Variants in FKBP1A observed in about 807,000 individuals in gnomAD.
FKBP1A encodes FKBP prolyl isomerase 1A.
A neutral mutation model predicts 14.2 loss-of-function variants in FKBP1A; 5 were observed. The ratio of observed to expected loss-of-function variants is 0.35; its 90% confidence interval spans 0.18 to 0.74. FKBP1A has a LOEUF of 0.74. FKBP1A is among the 30% of genes least tolerant of loss of function. The pLI is 0.56. For missense variants in FKBP1A, 53 were observed against 138.8 expected (o/e 0.38, Z 3.10); for synonymous variants, 42 against 49.1 (o/e 0.86, Z 0.60).
In FKBP1A at chr20:1,372,056, T is replaced by C; in HGVS notation, c.*36+20A>G. ...AGGAGCAAAGGCAGTGAAGGGCCCT[T>C]CAGTATTCCATTTCCTTACCCAAGA... On this transcript the variant is annotated intron_variant, in intron 4 of 4. Transcript: ENST00000400137. 6.2e-7 allele frequency: 1 copy of C among 1,608,766 alleles called. No individual in the cohort carries two copies. The highest frequency in any genetic ancestry group is 8.5e-7 in the Non-Finnish European group (1 of 1,177,286).
intron 4 of FKBP1A, chr20:1,370,449 C>T (rs536248586): frequency 4.1e-6 from 4 of 972,576 alleles, no homozygotes; most frequent in East Asian, 1.1e-4. Context: ...GTTCCACTCC[C>T]ATGATTATGA....
intron 2 of FKBP1A, chr20:1,378,518 G>A (rs1418021663): frequency 6.6e-6 from 1 of 152,130 alleles, no homozygotes; most frequent in Non-Finnish European, 1.5e-5. Flanking sequence ...GAACCCTAAT[G>A]TAAACTATGG....
At chr20:1,391,392 A>C (rs2089734441) in intron 2 of FKBP1A, among the ~76,000 whole-genome samples, 2 of 152,216 alleles carry the variant, frequency 1.3e-5, no homozygotes, top group African/African-American at 4.8e-5. Context: ...ACTGTGGCCT[A>C]CAAGGACAGC....
Position 1,379,448 on chromosome 20 carries a change from T to C in FKBP1A, c.86-3845A>G, listed in dbSNP as rs1304972722. ...TGTCTAACCCCAGCTCTCCTGAGCCTATCTTGGACACTGAGGGGCAAACCT... is the reference window on the plus strand; with the variant it reads ...TGTCTAACCCCAGCTCTCCTGAGCCCATCTTGGACACTGAGGGGCAAACCT... On this transcript the variant is annotated intron_variant, in intron 2 of 4. Transcript: ENST00000400137. This position sits in a 1 kb window ranked among gnomAD's most constrained non-coding sequence, Gnocchi z 4.3. Among the ~76,000 whole-genome samples, 2 of 152,192 alleles carry C rather than the reference T, an allele frequency of 1.3e-5. No individual in the cohort carries two copies. Among genetic ancestry groups the C allele is most frequent in the Non-Finnish European group, 2.9e-5 (2 of 68,034 alleles).
At chr20:1,376,416 C>T (rs1290305234) in intron 2 of FKBP1A, among the ~76,000 whole-genome samples, 1 of 152,224 alleles carries the variant, frequency 6.6e-6, no homozygotes, top group Non-Finnish European at 1.5e-5. Flanking sequence ...CCCCACAAAA[C>T]AACCCATGCT....
chr20:1,371,426 ATCCCT>A (rs2089462860), intron 4 of FKBP1A, among the ~76,000 whole-genome samples: 1 of 152,086 alleles, frequency 6.6e-6, no homozygotes, highest in Non-Finnish European at 1.5e-5. Flanking sequence ...GGCCCCTAAG[ATCCCT>A]TCCTAGAACT....
rs187320663 is a variant in FKBP1A at position 1,386,716 on chromosome 20, C to T, written c.85+6118G>A. ...CATGTGGGAAAAGGCTTGGAGCATTCGAGGAATGAATGCAGGCCAAGGTGG... is the reference window on the plus strand; with the variant it reads ...CATGTGGGAAAAGGCTTGGAGCATTTGAGGAATGAATGCAGGCCAAGGTGG... On this transcript the variant is annotated intron_variant, in intron 2 of 4. Coordinates refer to ENST00000400137, the MANE Select transcript of FKBP1A (RefSeq NM_000801.5). This position sits in a 1 kb window ranked among gnomAD's most constrained non-coding sequence, Gnocchi z 4.7. Among the ~76,000 whole-genome samples, 284 of 152,222 alleles carry T rather than the reference C, an allele frequency of 1.9e-3. 2 individuals are homozygous for T. The highest frequency in any genetic ancestry group is 6.7e-3 in the African/African-American group (279 of 41,512).
chr20:1,373,653 C>T (rs1411814055), intron 3 of FKBP1A, among the ~76,000 whole-genome samples: 2 of 152,198 alleles, frequency 1.3e-5, no homozygotes, highest in Non-Finnish European at 2.9e-5. Flanking sequence ...GTCCAATACT[C>T]GACCATGCCT....
chr20:1,376,924 G>A (rs2089552858), intron 2 of FKBP1A: 4 of 152,100 alleles, frequency 2.6e-5, no homozygotes. Flanking sequence ...AAACACCATC[G>A]GCATTGCTTT....
At chr20:1,378,721 G>T (rs941920759) in intron 2 of FKBP1A, 1 of 152,172 alleles carries the variant, frequency 6.6e-6, no homozygotes, top group African/African-American at 2.4e-5. Context: ...AAATAAAGAA[G>T]TCTGCTTTGC....
chr20:1,392,689 G>T, intron 2 of FKBP1A, 145 bp downstream of exon 2: 1 of 487,280 alleles, frequency 2.1e-6, no homozygotes, highest in Non-Finnish European at 3.2e-6. Context: ...CTGAGCCACC[G>T]CCCAGGCCTC....
Position 1,379,793 on chromosome 20 carries a change from G to A in FKBP1A, c.86-4190C>T, listed in dbSNP as rs1217481880. ...AATAATCCCCCGAAATGGGTGGGGT[G>A]GTATGTGATTAAGTGGGTGTCACAC... On this transcript the variant is annotated intron_variant, in intron 2 of 4. Coordinates refer to ENST00000400137, the MANE Select transcript of FKBP1A (RefSeq NM_000801.5). This position sits in a 1 kb window ranked among gnomAD's most constrained non-coding sequence, Gnocchi z 4.3. Among the ~76,000 whole-genome samples, 2 of 152,118 alleles carry A rather than the reference G, an allele frequency of 1.3e-5. No homozygotes were observed. The highest frequency in any genetic ancestry group is 2.9e-5 in the Non-Finnish European group (2 of 68,044).
intron 3 of FKBP1A, among the ~76,000 whole-genome samples, chr20:1,375,087 T>G (rs1323454802): frequency 1.3e-5 from 2 of 152,164 alleles, no homozygotes; most frequent in Non-Finnish European, 2.9e-5. Flanking sequence ...TCCATCCATC[T>G]TGGCCTCCCA....
intron 4 of FKBP1A, chr20:1,371,608 C>T: frequency 1.5e-6 from 1 of 658,730 alleles, no homozygotes; most frequent in African/African-American, 2.0e-5. Context: ...TAGGCAGTAA[C>T]CACAAACCAC....
At chr20:1,376,792 T>C (rs1048917106) in intron 2 of FKBP1A, 2 of 152,244 alleles carry the variant, frequency 1.3e-5, no homozygotes, top group African/African-American at 4.8e-5. Context: ...CTTTCTATTA[T>C]TCCAGTTTCC....
rs1167406932 is a variant in FKBP1A, at chr20:1,393,025, G to C, written c.-27C>G. 3.0e-5 allele frequency: 43 copies of C among 1,431,140 alleles called. No individual in the cohort carries two copies. Among genetic ancestry groups the C allele is most frequent in the Non-Finnish European group, 3.8e-5 (41 of 1,086,262 alleles). The allele number at this position is 1,431,140 out of a possible 1,614,324, so 88.7% of individuals were successfully genotyped here. A position where few individuals can be genotyped will look rare whatever the true frequency, so the allele number is the denominator to read the frequency against. On this transcript the variant is annotated 5_prime_UTR_variant, in exon 1 of 5. Coordinates refer to ENST00000400137, the MANE Select transcript of FKBP1A (RefSeq NM_000801.5). ...GCGGCGGCGGACGCTGAGCGGGCGG[G>C]CGGCGCGACGGGCGGCGTGGACCAA...
At chr20:1,372,331 G>A (rs1197308976) in intron 3 of FKBP1A, 91 bp from the exon 4 acceptor site, 22 of 1,404,988 alleles carry the variant, frequency 1.6e-5, no homozygotes, top group Non-Finnish European at 2.0e-5. Flanking sequence ...GTGTTCCTTG[G>A]CCAGGATGGT....
chr20:1,371,460 C>G (rs2089463390), intron 4 of FKBP1A, among the ~76,000 whole-genome samples: 1 of 152,176 alleles, frequency 6.6e-6, no homozygotes, highest in African/African-American at 2.4e-5. Flanking sequence ...TAAGAGCATC[C>G]TTTCAACTTC....
intron 4 of FKBP1A, chr20:1,371,042 G>C (rs892485363): frequency 3.0e-5 from 30 of 985,302 alleles, no homozygotes; most frequent in Non-Finnish European, 3.6e-5. Context: ...AACAGGACCA[G>C]GTTACAAGTA....
Sources: allele counts gnomAD v4.1 joint callset (sites outside exome capture counted in the v4.1 genomes callset), GRCh38; gene constraint gnomAD v4.1.1; non-coding constraint Gnocchi (gnomAD v3.1); transcripts MANE v1.5; gene names NCBI Gene and HGNC (gene_info 2026-07-23, HGNC 2026-07-21).